The following TYW1B variants were observed in gnomAD, a reference collection of about 807,000 sequenced individuals.
TYW1B encodes tRNA-yW synthesizing protein 1 homolog B, also known as S-adenosyl-L-methionine-dependent tRNA 4-demethylwyosine synthase TYW1B.
Under a neutral mutation model 86.9 loss-of-function variants are expected in TYW1B, and 73 were observed. That is an observed-to-expected ratio of 0.84 (90% CI 0.70 to 1.02). The LOEUF (loss-of-function observed/expected upper bound fraction) is 1.02, where lower values mean the gene tolerates loss of function less well. TYW1B is among the 50% of genes least tolerant of loss of function. The pLI, the probability that TYW1B is intolerant of heterozygous loss-of-function variation, is 0.00. For synonymous variants in TYW1B, 248 were observed against 292.8 expected (o/e 0.85, Z 1.56); for missense variants, 637 against 827.4 (o/e 0.77, Z 2.82).
intron 6 of TYW1B, among the ~76,000 whole-genome samples, chr7:72,782,844 T>C (rs1788071508): frequency 6.6e-6 from 1 of 152,004 alleles, no homozygotes; most frequent in Non-Finnish European, 1.5e-5. Flanking sequence ...GCCACTGCAC[T>C]CCAGCCTGGG....
At position 72,738,916 on chromosome 7, in the gene TYW1B, A is replaced by AT. The variant is rs1585943915; in HGVS notation, c.1082+5567_1082+5568insA. Reference sequence around the variant, plus strand: ...CGAGACCCTGTCTCTATCAAAAAAAAAAAAAAATAATAATAATAAACTGGA... The same window carrying AT: ...CGAGACCCTGTCTCTATCAAAAAAAATAAAAAAATAATAATAATAAACTGGA... On this transcript the variant is annotated intron_variant, in intron 8 of 13. Coordinates refer to ENST00000620995, the MANE Select transcript of TYW1B (RefSeq NM_001145440.3). Among the ~76,000 whole-genome samples, 453 of 148,740 alleles carry AT rather than the reference A, an allele frequency of 3.0e-3. 3 individuals carry two copies. The highest frequency in any genetic ancestry group is 7.9e-3 in the South Asian group (37 of 4,664).
chr7:72,621,216 TCAC>T (rs1812206130), intron 12 of TYW1B, among the ~76,000 whole-genome samples: 1 of 152,142 alleles, frequency 6.6e-6, no homozygotes, highest in Non-Finnish European at 1.5e-5. Context: ...CCTGTGGCCC[TCAC>T]CACAAGCAGC....
At chr7:72,778,894 G>A (rs1441191457) in intron 6 of TYW1B, among the ~76,000 whole-genome samples, 1 of 151,916 alleles carries the variant, frequency 6.6e-6, no homozygotes, top group Non-Finnish European at 1.5e-5. Context: ...GATATGACAA[G>A]ATGACCCTCA....
At chr7:72,771,922 C>T (rs550535431) in intron 7 of TYW1B, among the ~76,000 whole-genome samples, 1 of 151,874 alleles carries the variant, frequency 6.6e-6, no homozygotes, top group South Asian at 2.1e-4. Context: ...TCTCAGCTCA[C>T]TGCAACCTCT....
At chr7:72,736,368 C>T (rs1302781457) in intron 8 of TYW1B, among the ~76,000 whole-genome samples, 1 of 152,174 alleles carries the variant, frequency 6.6e-6, no homozygotes, top group African/African-American at 2.4e-5. Flanking sequence ...ATATTTAGGC[C>T]AAATTGTGGG....
Position 72,688,443 on chromosome 7 carries a change from C to T in TYW1B, c.1506+6244G>A, listed in dbSNP as rs1814061438. Among the ~76,000 whole-genome samples, 4 of 152,182 alleles carry T rather than the reference C, an allele frequency of 2.6e-5. No individual in the cohort carries two copies. In the South Asian group the frequency reaches 8.3e-4, roughly 31 times the overall value. On this transcript the variant is annotated intron_variant, in intron 11 of 13. Transcript: ENST00000620995. ...TTCTTTTTGACATAGTAATTAAAGACCAACTGGTAAAGCTGTTTTCTTTTT... is the reference window on the plus strand; with the variant it reads ...TTCTTTTTGACATAGTAATTAAAGATCAACTGGTAAAGCTGTTTTCTTTTT...
intron 1 of TYW1B, among the ~76,000 whole-genome samples, chr7:72,827,436 T>TA (rs1323018951): frequency 1.3e-5 from 2 of 151,946 alleles, no homozygotes; most frequent in African/African-American, 4.8e-5. Flanking sequence ...TCAACTGTAA[T>TA]AAAAATAACA....
At position 72,644,709 on chromosome 7, in the gene TYW1B, G is replaced by T. The variant is rs575484764; in HGVS notation, c.1507-15712C>A. On this transcript the variant is annotated intron_variant, in intron 11 of 13. Transcript: ENST00000620995. ...AATCAAATGGATACCCATTGCAGTG[G>T]GGAAAAAAATCCCCACTTTAATGAC... Among the ~76,000 whole-genome samples the T allele has an allele frequency of 2.0e-5, 3 of 151,728 alleles. No individual in the cohort carries two copies. The East Asian group carries it at 5.8e-4, about 29-fold the overall frequency.
chr7:72,720,180 G>T (rs1227192200), intron 9 of TYW1B, among the ~76,000 whole-genome samples: 1 of 152,186 alleles, frequency 6.6e-6, no homozygotes, highest in Admixed American at 6.5e-5. Flanking sequence ...ATGAGAGAGT[G>T]AGAGGGCTCA....
chr7:72,635,016 T>C lies in TYW1B; in HGVS notation c.1507-6019A>G, dbSNP rs552454019. Among the ~76,000 whole-genome samples the C allele has an allele frequency of 2.6e-5, 4 of 152,304 alleles. No homozygotes were observed. The East Asian group carries it at 7.7e-4, about 29-fold the overall frequency. On this transcript the variant is annotated intron_variant, in intron 11 of 13. Transcript: ENST00000620995. Reference sequence around the variant, plus strand: ...ACTTTCTTTCCTTATTAGCGTTTCTTTCATATTAGTGTTTCTTATGTCTCT... The same window carrying C: ...ACTTTCTTTCCTTATTAGCGTTTCTCTCATATTAGTGTTTCTTATGTCTCT...
At chr7:72,604,031 C>G (rs1811739013) in intron 13 of TYW1B, among the ~76,000 whole-genome samples, 1 of 152,104 alleles carries the variant, frequency 6.6e-6, no homozygotes, top group Non-Finnish European at 1.5e-5. Flanking sequence ...AACACTGGCT[C>G]ACGAATTGTA....
At chr7:72,637,352 G>A (rs1473260836) in intron 11 of TYW1B, among the ~76,000 whole-genome samples, 1 of 151,508 alleles carries the variant, frequency 6.6e-6, no homozygotes, top group Non-Finnish European at 1.5e-5. Context: ...ATTTCATCTA[G>A]TATTAATTTT....
At chr7:72,784,740 C>T (rs1788100315) in intron 6 of TYW1B, among the ~76,000 whole-genome samples, 1 of 152,160 alleles carries the variant, frequency 6.6e-6, no homozygotes, top group Non-Finnish European at 1.5e-5. Flanking sequence ...TCAGGTGATC[C>T]ACCAGCCTCA....
At chr7:72,791,591 C>T (rs186080289) in intron 6 of TYW1B, among the ~76,000 whole-genome samples, 1 of 152,114 alleles carries the variant, frequency 6.6e-6, no homozygotes, top group East Asian at 1.9e-4. Context: ...TCCTGGCTAA[C>T]ATGGTGAAAC....
intron 13 of TYW1B, among the ~76,000 whole-genome samples, chr7:72,584,195 C>T (rs1259696483): frequency 6.6e-6 from 1 of 152,124 alleles, no homozygotes; most frequent in Non-Finnish European, 1.5e-5. Flanking sequence ...ACAGTGCATG[C>T]CACCATATCC....
chr7:72,578,646 A>G (rs1554429187), intron 13 of TYW1B, among the ~76,000 whole-genome samples: 1 of 152,210 alleles, frequency 6.6e-6, no homozygotes, highest in Admixed American at 6.5e-5. Context: ...AAATGAGGCC[A>G]AAAATCATGA....
At position 72,730,436 on chromosome 7, in the gene TYW1B, TA is replaced by T. The variant is rs369032767; in HGVS notation, c.1083-1506del. ...AAGGTGAAGAATTCGATGAATGAAATAAATACAACTGAGAGTTTCAACAACA... is the reference window on the plus strand; with the variant it reads ...AAGGTGAAGAATTCGATGAATGAAATAATACAACTGAGAGTTTCAACAACA... On this transcript the variant is annotated intron_variant, in intron 8 of 13. Coordinates refer to ENST00000620995, the MANE Select transcript of TYW1B (RefSeq NM_001145440.3). Among the ~76,000 whole-genome samples the T allele has an allele frequency of 7.0e-3, 982 of 141,034 alleles. 17 individuals are homozygous for T. Among genetic ancestry groups the T allele is most frequent in the African/African-American group, 0.026 (956 of 37,466 alleles). The allele number at this position is 141,034 out of a possible 152,430, so 92.5% of individuals were successfully genotyped here.
intron 8 of TYW1B, among the ~76,000 whole-genome samples, chr7:72,733,159 AACACACACACACAC>A (rs145935571): frequency 0.68 from 99,875 of 147,184 alleles, 34,163 homozygotes; most frequent in Non-Finnish European, 0.74. Flanking sequence ...CCAAACCTAA[AACACACACACACAC>A]ACACACACAC....
chr7:72,724,315 T>A (rs1683620849), intron 9 of TYW1B, among the ~76,000 whole-genome samples: 2 of 152,002 alleles, frequency 1.3e-5, no homozygotes, highest in African/African-American at 4.8e-5. Flanking sequence ...CTATTAAAAA[T>A]TTTTAAATTA....
Sources: allele counts gnomAD v4.1 joint callset (sites outside exome capture counted in the v4.1 genomes callset), GRCh38; gene constraint gnomAD v4.1.1; transcripts MANE v1.5; gene names NCBI Gene and HGNC (gene_info 2026-07-23, HGNC 2026-07-21).